Variants in EFCAB5 observed in about 807,000 individuals in gnomAD.
The protein encoded by EFCAB5 is EF-hand calcium-binding domain-containing protein 5.
Under a neutral mutation model 167.9 loss-of-function variants are expected in EFCAB5, and 131 were observed. The observed-to-expected ratio is 0.78, with a 90% CI of 0.68 to 0.90. The LOEUF (loss-of-function observed/expected upper bound fraction) is 0.90, where lower values mean the gene tolerates loss of function less well. EFCAB5 is among the 40% of genes least tolerant of loss of function. EFCAB5 has a pLI of 0.00. For missense variants in EFCAB5, 1,663 were observed against 1,745.2 expected, an observed-to-expected ratio of 0.95 and a Z score of 0.84; for synonymous variants, 574 against 602.8, an observed-to-expected ratio of 0.95 and a Z score of 0.70.
intron 1 of EFCAB5, among the ~76,000 whole-genome samples, chr17:29,931,668 A>G (rs1314437213): frequency 6.6e-6 from 1 of 152,218 alleles, no homozygotes; most frequent in Non-Finnish European, 1.5e-5. Flanking sequence ...TTCAGAAGTA[A>G]GAACTTTGAA....
At chr17:30,068,934 A>G in intron 14 of EFCAB5, 2 of 1,542,938 alleles carry the variant, frequency 1.3e-6, no homozygotes, top group Non-Finnish European at 1.8e-6. Context: ...ATGTCCAGAT[A>G]TTCATGAGGA....
chr17:30,060,673 A>G (rs1460822088), intron 14 of EFCAB5, among the ~76,000 whole-genome samples: 1 of 152,232 alleles, frequency 6.6e-6, no homozygotes, highest in Non-Finnish European at 1.5e-5. Context: ...TGTTCTCTTC[A>G]GTAACTATGT....
intron 4 of EFCAB5, among the ~76,000 whole-genome samples, chr17:29,976,874 G>A (rs1245575335): frequency 6.6e-6 from 1 of 152,152 alleles, no homozygotes; most frequent in Admixed American, 6.5e-5. Context: ...AGAAGACACT[G>A]CTTACTTATT....
chr17:29,975,171 T>C lies in EFCAB5; in HGVS notation c.767+5804T>C, dbSNP rs577591946. Reference sequence around the variant, plus strand: ...CAGGTTGTAATTTGCTGACCTTTTGTCTAAATGGTATCTATTAGGTCTCTT... The same window carrying C: ...CAGGTTGTAATTTGCTGACCTTTTGCCTAAATGGTATCTATTAGGTCTCTT... On this transcript the variant is annotated intron_variant, in intron 4 of 22. Coordinates refer to ENST00000394835, the MANE Select transcript of EFCAB5 (RefSeq NM_198529.4). Among the ~76,000 whole-genome samples, 59 of 152,264 alleles carry C rather than the reference T, an allele frequency of 3.9e-4. No individual in the cohort carries two copies. In the South Asian group the frequency reaches 0.012, roughly 32 times the overall value.
chr17:30,005,766 G>A (rs1266059882), intron 7 of EFCAB5, among the ~76,000 whole-genome samples: 1 of 152,078 alleles, frequency 6.6e-6, no homozygotes, highest in East Asian at 1.9e-4. Flanking sequence ...TCCTAAAACT[G>A]ACAAAACAGA....
chr17:29,940,830 A>G (rs1443593800), upstream of EFCAB5, among the ~76,000 whole-genome samples: 1 of 152,130 alleles, frequency 6.6e-6, no homozygotes, highest in Non-Finnish European at 1.5e-5. Context: ...ACTTGAGGTC[A>G]GGAGTTCAAG....
chr17:30,092,737 A>C, intron 21 of EFCAB5, 103 bp from the exon 22 acceptor site: 1 of 746,294 alleles, frequency 1.3e-6, no homozygotes, highest in Non-Finnish European at 2.1e-6. Context: ...GGTTTTGCCT[A>C]TTTTAAAATC....
chr17:29,993,354 G>A, intron 5 of EFCAB5, 33 bp downstream of exon 5: 1 of 1,587,944 alleles, frequency 6.3e-7, no homozygotes, highest in Non-Finnish European at 8.6e-7. Context: ...TGAAAGGTAG[G>A]TGGGGTAAGT....
intron 5 of EFCAB5, among the ~76,000 whole-genome samples, chr17:29,995,298 T>C (rs1197875324): frequency 6.6e-6 from 1 of 152,158 alleles, no homozygotes; most frequent in African/African-American, 2.4e-5. Context: ...AGAACACTCT[T>C]ATAGTAAACA....
At chr17:30,085,117 C>G (rs1209884386) in intron 18 of EFCAB5, among the ~76,000 whole-genome samples, 1 of 152,136 alleles carries the variant, frequency 6.6e-6, no homozygotes, top group Non-Finnish European at 1.5e-5. Flanking sequence ...CCAGCTGTGG[C>G]AATCTGCTTC....
Position 29,955,839 on chromosome 17 carries a change from A to G in EFCAB5, c.190+12190A>G, listed in dbSNP as rs1432929230. Among the ~76,000 whole-genome samples, 6 of 152,220 alleles carry G rather than the reference A, an allele frequency of 3.9e-5. No homozygotes were observed. The East Asian group carries it at 1.2e-3, about 29-fold the overall frequency. On this transcript the variant is annotated intron_variant, in intron 3 of 22. Transcript: ENST00000394835. Reference sequence around the variant, plus strand: ...CTATTCTAAAATTTATGTGGAACCAAAAAACAGCTCGAGTAGCCAAGCAAT... The same window carrying G: ...CTATTCTAAAATTTATGTGGAACCAGAAAACAGCTCGAGTAGCCAAGCAAT...
upstream of EFCAB5, among the ~76,000 whole-genome samples, chr17:29,939,045 A>T (rs1282851616): frequency 6.6e-6 from 1 of 152,220 alleles, no homozygotes. Context: ...GCCTTATGAA[A>T]TGTATTTCTT....
intron 18 of EFCAB5, 127 bp from the exon 19 acceptor site, chr17:30,086,936 T>C (rs2071100675): frequency 1.4e-6 from 1 of 706,692 alleles, no homozygotes; most frequent in African/African-American, 1.8e-5. Context: ...CTAAGTAAAA[T>C]GTCACTGTCC....
At chr17:30,004,848 G>T (rs548394414) in intron 7 of EFCAB5, among the ~76,000 whole-genome samples, 44 of 147,684 alleles carry the variant, frequency 3.0e-4, no homozygotes, top group Non-Finnish European at 4.5e-5. Context: ...CGTTGGCCAG[G>T]CTGGTCTCGA....
chr17:30,056,388 A>G (rs558226081), intron 12 of EFCAB5, among the ~76,000 whole-genome samples: 4 of 152,258 alleles, frequency 2.6e-5, no homozygotes, highest in African/African-American at 9.6e-5. Flanking sequence ...CTGCTTTAAA[A>G]CTTATGGCAT....
chr17:30,073,579 C>T, intron 14 of EFCAB5: 2 of 637,912 alleles, frequency 3.1e-6, no homozygotes, highest in Non-Finnish European at 5.9e-6. Flanking sequence ...CCCTAAATAC[C>T]TCAGCATGCA....
chr17:29,988,478 G>A (rs1333084522), intron 4 of EFCAB5, among the ~76,000 whole-genome samples: 1 of 152,208 alleles, frequency 6.6e-6, no homozygotes, highest in African/African-American at 2.4e-5. Context: ...CTTCGAGCCA[G>A]AATAAGAAGC....
At position 30,108,023 on chromosome 17, in the gene EFCAB5, G is replaced by T; in HGVS notation, c.4511G>T (p.Ter1504LeuextTer1). The T allele has an allele frequency of 6.2e-7, 1 of 1,601,328 alleles. No homozygotes were observed. Among genetic ancestry groups the T allele is most frequent in the South Asian group, 1.1e-5 (1 of 88,094 alleles). Residue 1504 changes from the stop codon to leucine, a stop_lost, in exon 23 of 23, where the codon TGA becomes TTA. Coordinates refer to ENST00000394835, the MANE Select transcript of EFCAB5 (RefSeq NM_198529.4). ...CCAGGGGAAGGTTTGCAAGAGAAGT[G>T]ATAATGGATGATAATGGAATTGATA... ...KMPGEGLQEK* is the reference protein window; with the variant it reads ...KMPGEGLQEKL
chr17:30,030,535 G>A (rs1385172064), intron 7 of EFCAB5, among the ~76,000 whole-genome samples: 1 of 152,148 alleles, frequency 6.6e-6, no homozygotes, highest in Non-Finnish European at 1.5e-5. Context: ...TAGAGATGAG[G>A]TTTCACCATG....
Sources: allele counts gnomAD v4.1 joint callset (sites outside exome capture counted in the v4.1 genomes callset), GRCh38; gene constraint gnomAD v4.1.1; transcripts MANE v1.5; gene names NCBI Gene and HGNC (gene_info 2026-07-23, HGNC 2026-07-21).